Variants in EPHA4 observed in about 807,000 individuals in gnomAD.
EPHA4 encodes EPH receptor A4.
In EPHA4, 19 loss-of-function variants were observed where a neutral mutation model predicts 108.3. That is an observed-to-expected ratio of 0.18 (90% confidence interval 0.12 to 0.26). The LOEUF (loss-of-function observed/expected upper bound fraction) is 0.26, where lower values mean the gene tolerates loss of function less well. EPHA4 is among the 10% of genes least tolerant of loss of function. The probability of loss-of-function intolerance (pLI) is 1.00; values close to 1 mark genes in which losing one functional copy is unlikely to be tolerated. For missense variants in EPHA4, 917 were observed against 1,254.0 expected, an observed-to-expected ratio of 0.73 and a Z score of 4.06; for synonymous variants, 449 against 455.5, an observed-to-expected ratio of 0.99 and a Z score of 0.18.
At chr2:221,559,970 C>T (rs1198778434) in intron 3 of EPHA4, among the ~76,000 whole-genome samples, 3 of 152,218 alleles carry the variant, frequency 2.0e-5, no homozygotes, top group Non-Finnish European at 2.9e-5. Flanking sequence ...CATCCCCCTG[C>T]CCTCATCCTT....
chr2:221,572,372 C>T (rs1344497489), upstream of EPHA4: 1 of 805,830 alleles, frequency 1.2e-6, no homozygotes, highest in Non-Finnish European at 2.0e-6. Flanking sequence ...GTGAGCCCGC[C>T]AGTCCGGGGC....
Position 221,501,137 on chromosome 2 carries a change from C to A in EPHA4, c.859G>T (p.Asp287Tyr). 1 of 1,612,336 alleles carries A rather than the reference C, an allele frequency of 6.2e-7. No homozygotes were observed. Among genetic ancestry groups the A allele is most frequent in the Non-Finnish European group, 8.5e-7 (1 of 1,179,220 alleles). ...KIGYYKALST[D>Y]ATCAKCPPHS... ...GGTGGGCACTTGGCACAGGTGGCAT[C>A]CGTGGAGAGAGCCTTGTAATATCCA... is the stretch of plus-strand genomic sequence containing the variant. Residue 287 changes from aspartate (D) to tyrosine (Y), a missense_variant, in exon 4 of 18, where the codon GAT becomes TAT. Transcript: ENST00000281821.
intron 15 of EPHA4, among the ~76,000 whole-genome samples, chr2:221,427,782 T>A (rs1270082982): frequency 6.6e-6 from 1 of 152,224 alleles, no homozygotes; most frequent in Non-Finnish European, 1.5e-5. Flanking sequence ...GTCGATATAA[T>A]GCTTTACTTT....
intron 14 of EPHA4, among the ~76,000 whole-genome samples, chr2:221,432,304 A>G (rs6436264): frequency 0.19 from 28,603 of 152,092 alleles, 4,038 homozygotes; most frequent in African/African-American, 0.4. Flanking sequence ...GAATAATTAC[A>G]GTAACTACAT....
rs1559297313 is a variant in EPHA4, at chr2:221,566,941, A to AAG, written c.159+1775_159+1776dup. Among the ~76,000 whole-genome samples the AAG allele has an allele frequency of 4.5e-4, 32 of 71,384 alleles. 11 individuals carry two copies. Among genetic ancestry groups the AAG allele is most frequent in the African/African-American group, 2.3e-3 (28 of 12,032 alleles). The allele number at this position is 71,384 out of a possible 152,430, so 46.8% of individuals were successfully genotyped here. A position where few individuals can be genotyped will look rare whatever the true frequency, so the allele number is the denominator to read the frequency against. The stretch of plus-strand genomic sequence containing the variant: ...GAAGGAGAAGGAGAAGGAGAAGGAG[A>AAG]AGGAGAAGGAGAAGGGGAAGAGGAA... On this transcript the variant is annotated intron_variant, in intron 2 of 17. Transcript: ENST00000281821.
At chr2:221,521,214 C>G (rs1693155350) in intron 3 of EPHA4, among the ~76,000 whole-genome samples, 1 of 152,154 alleles carries the variant, frequency 6.6e-6, no homozygotes, top group African/African-American at 2.4e-5. Context: ...TATTGCTTGG[C>G]CTAACTTCTA....
intron 3 of EPHA4, among the ~76,000 whole-genome samples, chr2:221,561,923 T>C (rs550106187): frequency 2.0e-5 from 3 of 152,354 alleles, no homozygotes; most frequent in African/African-American, 7.2e-5. Context: ...GTGCGGCTCC[T>C]GTCTTACAAA....
chr2:221,487,035 CT>C (rs913104399), intron 4 of EPHA4, among the ~76,000 whole-genome samples: 1 of 151,954 alleles, frequency 6.6e-6, no homozygotes, highest in Non-Finnish European at 1.5e-5. Context: ...TCAATTGCCT[CT>C]TTTTTTCATG....
intron 11 of EPHA4, among the ~76,000 whole-genome samples, chr2:221,438,859 TG>T (rs1690327792): frequency 6.6e-6 from 1 of 152,154 alleles, no homozygotes; most frequent in South Asian, 2.1e-4. Flanking sequence ...TCTAGAAAAA[TG>T]GGCTGAACTA....
rs73089690 is a variant in EPHA4 at position 221,571,426 on chromosome 2, C to T, written c.91+732G>A. On this transcript the variant is annotated intron_variant, in intron 1 of 17. Transcript: ENST00000281821. This position sits in a 1 kb window ranked among gnomAD's most constrained non-coding sequence, Gnocchi z 6.3. ...TGAGCACCCAGACGGGTCCCGTCGA[C>T]CCCGCACGTTAGCTCTAAACTGTGT... is the stretch of plus-strand genomic sequence containing the variant. Among the ~76,000 whole-genome samples the T allele has an allele frequency of 0.078, 11,777 of 151,876 alleles. 1,488 individuals are homozygous for T. Among genetic ancestry groups the T allele is most frequent in the African/African-American group, 0.27 (11,110 of 41,376 alleles).
intron 5 of EPHA4, 84 bp downstream of exon 5, chr2:221,482,268 T>C: frequency 1.6e-6 from 2 of 1,275,850 alleles, no homozygotes; most frequent in Non-Finnish European, 1.1e-6. Flanking sequence ...CTATTTCAAT[T>C]ATAGCAATTT....
chr2:221,466,168 C>T (rs1031612706), intron 5 of EPHA4, among the ~76,000 whole-genome samples: 7 of 152,220 alleles, frequency 4.6e-5, no homozygotes, highest in African/African-American at 1.4e-4. Context: ...ATGAAATCGG[C>T]AGAATCGCAA....
At chr2:221,512,618 A>T (rs1181112312) in intron 3 of EPHA4, among the ~76,000 whole-genome samples, 1 of 152,188 alleles carries the variant, frequency 6.6e-6, no homozygotes, top group African/African-American at 2.4e-5. Context: ...GCACTGAATA[A>T]AGGAAGCAGC....
chr2:221,526,649 C>G (rs1226430696), intron 3 of EPHA4, among the ~76,000 whole-genome samples: 2 of 151,758 alleles, frequency 1.3e-5, no homozygotes, highest in Admixed American at 1.3e-4. Context: ...GAGTTCCAGA[C>G]CAGCCTAGCC....
At chr2:221,508,478 C>G (rs1692700160) in intron 3 of EPHA4, among the ~76,000 whole-genome samples, 1 of 151,646 alleles carries the variant, frequency 6.6e-6, no homozygotes. Flanking sequence ...ATTCTGGAGG[C>G]TGAGGCAGGA....
chr2:221,441,203 T>C lies in EPHA4; in HGVS notation c.2074+1626A>G, dbSNP rs1268448869. On this transcript the variant is annotated intron_variant, in intron 11 of 17. Coordinates refer to ENST00000281821, the MANE Select transcript of EPHA4 (RefSeq NM_004438.5). ...TCATTTTTTCTTTTCTTTTCTTTTT[T>C]TTTTTTTTTTTAAGTAGAGACAGGT... Among the ~76,000 whole-genome samples the C allele has an allele frequency of 5.5e-3, 834 of 150,622 alleles. 9 individuals carry two copies. Among genetic ancestry groups the C allele is most frequent in the African/African-American group, 0.019 (787 of 40,984 alleles).
rs138927817 is a variant in EPHA4, at chr2:221,529,270, C to T, written c.824-28098G>A. The stretch of plus-strand genomic sequence containing the variant: ...ACAGGAAGGAAGGAAAGGGACTTTG[C>T]TGCAGGGGGCTGATTTTGCCCCACC... On this transcript the variant is annotated intron_variant, in intron 3 of 17. Transcript: ENST00000281821. Among the ~76,000 whole-genome samples, 86 of 152,278 alleles carry T rather than the reference C, an allele frequency of 5.6e-4. 1 individual carries two copies. The highest frequency in any genetic ancestry group is 8.1e-4 in the Non-Finnish European group (55 of 68,018).
intron 3 of EPHA4, among the ~76,000 whole-genome samples, chr2:221,504,842 G>C (rs1692583594): frequency 6.6e-6 from 1 of 152,174 alleles, no homozygotes; most frequent in African/African-American, 2.4e-5. Context: ...ATACAGTTAA[G>C]TGGTAAGGCC....
At chr2:221,465,551 G>T (rs1691282212) in intron 5 of EPHA4, among the ~76,000 whole-genome samples, 1 of 152,152 alleles carries the variant, frequency 6.6e-6, no homozygotes, top group East Asian at 1.9e-4. Flanking sequence ...AGATAGAGCT[G>T]CCCAGCCAAA....
Sources: allele counts gnomAD v4.1 joint callset (sites outside exome capture counted in the v4.1 genomes callset), GRCh38; gene constraint gnomAD v4.1.1; non-coding constraint Gnocchi (gnomAD v3.1); transcripts MANE v1.5; gene names NCBI Gene and HGNC (gene_info 2026-07-23, HGNC 2026-07-21).